BACH1: variants seen among roughly 807,000 people sequenced by gnomAD.
The protein encoded by BACH1 is transcription regulator protein BACH1.
Under a neutral mutation model 52.9 loss-of-function variants are expected in BACH1, and 35 were observed. The ratio of observed to expected loss-of-function variants is 0.66; its 90% CI spans 0.51 to 0.88. The LOEUF (loss-of-function observed/expected upper bound fraction) is 0.88. Ranked by LOEUF, BACH1 falls within the 40% of genes least tolerant of loss-of-function variation. BACH1 has a pLI of 0.00. For missense variants in BACH1, 808 were observed against 872.6 expected (o/e 0.93, Z 0.93); for synonymous variants, 321 against 319.6 (o/e 1.00, Z -0.05).
intron 4 of BACH1, among the ~76,000 whole-genome samples, chr21:29,334,624 A>T (rs2089023236): frequency 6.6e-6 from 1 of 152,208 alleles, no homozygotes; most frequent in Admixed American, 6.5e-5. Context: ...ATTTACCAAA[A>T]TGTATTTCTT....
At chr21:29,311,443 T>C (rs2088720603) in intron 1 of BACH1, among the ~76,000 whole-genome samples, 1 of 152,150 alleles carries the variant, frequency 6.6e-6, no homozygotes, top group Non-Finnish European at 1.5e-5. Context: ...TTTTTTTAAG[T>C]ACAGAGAACA....
intron 2 of BACH1, among the ~76,000 whole-genome samples, chr21:29,358,765 AAAAGAAAAGAAAGAAAG>A (rs1249008706): frequency 2.4e-3 from 194 of 81,510 alleles, no homozygotes; most frequent in African/African-American, 7.4e-3. Context: ...AAAAGAAAAG[AAAAGAAAAGAAAGAAAG>A]AAAGAAAGAA....
intron 2 of BACH1, among the ~76,000 whole-genome samples, chr21:29,355,213 C>T (rs1280495132): frequency 3.9e-5 from 6 of 152,068 alleles, no homozygotes; most frequent in African/African-American, 1.2e-4. Context: ...CTGATTGGTG[C>T]GTTTACAAAC....
intron 1 of BACH1, chr21:29,305,251 C>T (rs1394249571): frequency 6.6e-6 from 1 of 150,710 alleles, no homozygotes; most frequent in Non-Finnish European, 1.5e-5. Flanking sequence ...CACTCGGATT[C>T]TTTGCTGGCA....
rs1044331216 is a variant in BACH1, at chr21:29,329,512, G to A, written c.1595G>A (p.Arg532Gln). The A allele has an allele frequency of 8.8e-6, 14 of 1,587,136 alleles. No homozygotes were observed. The highest frequency in any genetic ancestry group is 3.7e-5 in the Admixed American group (2 of 53,952). The change falls in exon 4 of 5, where the codon CGG (arginine) becomes CAG (glutamine). Residue 532 changes from arginine (R) to glutamine (Q), a missense_variant. Physicochemically the swap from Arg to Gln is conservative, Grantham distance 43. Coordinates refer to ENST00000286800, the MANE Select transcript of BACH1 (RefSeq NM_001186.4). The part of the protein sequence containing the change: ...CEVKLPFNAQ[R>Q]IISLSRNDFQ... ...GTAAAACTGCCATTCAATGCACAAC[G>A]GATAATTTCACTGTCTCGAAATGAT...
chr21:29,345,230 C>T lies in BACH1; in HGVS notation c.*2397C>T, dbSNP rs1734739724. 6.6e-6 allele frequency: 1 copy of T among 152,612 alleles called. No individual in the cohort carries two copies. Among genetic ancestry groups the T allele is most frequent in the African/African-American group, 2.4e-5 (1 of 41,448 alleles). 9.5% of individuals were successfully genotyped at this position (152,612 alleles called of 1,614,324 possible). On this transcript the variant is annotated 3_prime_UTR_variant, in exon 5 of 5. Coordinates refer to ENST00000286800, the MANE Select transcript of BACH1 (RefSeq NM_001186.4). ...TTTCTGTATATTGCATAGCATTACA[C>T]ATTTATGCCTATTTTAACATTAACT...
rs181087924 is a variant in BACH1, at chr21:29,341,991, G to A, written c.1777-408G>A. On this transcript the variant is annotated intron_variant, in intron 4 of 4. Coordinates refer to ENST00000286800, the MANE Select transcript of BACH1 (RefSeq NM_001186.4). ...GTAAATCCAGAAAGCTCCAAAAACCGTATGTTTGTCACAAACTCTTTTGAC... is the reference window on the plus strand; with the variant it reads ...GTAAATCCAGAAAGCTCCAAAAACCATATGTTTGTCACAAACTCTTTTGAC... Among the ~76,000 whole-genome samples the A allele has an allele frequency of 2.7e-3, 404 of 152,210 alleles. 2 individuals are homozygous for A. Among genetic ancestry groups the A allele is most frequent in the African/African-American group, 8.2e-3 (342 of 41,528 alleles).
At chr21:29,356,198 G>A (rs1019289616) in intron 2 of BACH1, among the ~76,000 whole-genome samples, 1 of 152,154 alleles carries the variant, frequency 6.6e-6, no homozygotes, top group Non-Finnish European at 1.5e-5. Context: ...CTGCACTGAC[G>A]GACTTGAGCT....
intron 2 of BACH1, chr21:29,359,225 C>G (rs974039187): frequency 6.6e-6 from 1 of 151,852 alleles, no homozygotes; most frequent in African/African-American, 2.4e-5. Context: ...ACACTGTACT[C>G]GGCTCTTTTT....
chr21:29,357,644 G>A (rs1029546218), intron 2 of BACH1, among the ~76,000 whole-genome samples: 1 of 152,220 alleles, frequency 6.6e-6, no homozygotes, highest in Non-Finnish European at 1.5e-5. Flanking sequence ...CCCTTAAAGA[G>A]TGAGGCCAGC....
At chr21:29,337,940 C>CA (rs977633471) in intron 4 of BACH1, among the ~76,000 whole-genome samples, 1 of 151,664 alleles carries the variant, frequency 6.6e-6, no homozygotes, top group African/African-American at 2.4e-5. Flanking sequence ...AAAACAAAAA[C>CA]AAAAACAAAA....
chr21:29,327,459 G>T, intron 3 of BACH1, 66 bp downstream of exon 3: 1 of 1,536,386 alleles, frequency 6.5e-7, no homozygotes, highest in Non-Finnish European at 8.7e-7. Flanking sequence ...CTGTGGATCA[G>T]CTCCCTTTGC....
At chr21:29,300,236 A>G (rs1237087980) in intron 1 of BACH1, 2 of 152,104 alleles carry the variant, frequency 1.3e-5, no homozygotes, top group African/African-American at 2.4e-5. Context: ...TGTTTAACCT[A>G]TGTTTCTGTC....
intron 4 of BACH1, among the ~76,000 whole-genome samples, chr21:29,340,373 AGTT>A (rs1217197945): frequency 6.6e-6 from 1 of 152,166 alleles, no homozygotes; most frequent in Non-Finnish European, 1.5e-5. Flanking sequence ...TATTTGTTTT[AGTT>A]GTTGTGAAGA....
At chr21:29,331,617 C>T (rs1295014252) in intron 4 of BACH1, among the ~76,000 whole-genome samples, 1 of 152,118 alleles carries the variant, frequency 6.6e-6, no homozygotes, top group Non-Finnish European at 1.5e-5. Context: ...CTCTGCCTTT[C>T]CTTCTTAGAG....
intron 1 of BACH1, among the ~76,000 whole-genome samples, chr21:29,312,519 C>T (rs2123419406): frequency 6.6e-6 from 1 of 152,162 alleles, no homozygotes; most frequent in Non-Finnish European, 1.5e-5. Flanking sequence ...ATAGAAAATC[C>T]TATGGAATCC....
chr21:29,305,110 C>T (rs186614033), intron 1 of BACH1: 17 of 151,396 alleles, frequency 1.1e-4, no homozygotes, highest in Non-Finnish European at 1.8e-4. Flanking sequence ...GGGTACTCCC[C>T]TAGGTAAGAG....
Position 29,342,941 on chromosome 21 carries a change from T to C in BACH1, c.*108T>C. On this transcript the variant is annotated 3_prime_UTR_variant, in exon 5 of 5. Transcript: ENST00000286800. ...GCTCAACAATACTGTTTTTTTCCTT[T>C]AGTAGTTTACCATAAGGGAATTTCC... 2.6e-6 allele frequency: 3 copies of C among 1,133,324 alleles called. No individual in the cohort carries two copies. The highest frequency in any genetic ancestry group is 1.9e-5 in the South Asian group (1 of 53,358). 70.2% of individuals were successfully genotyped at this position (1,133,324 alleles called of 1,614,324 possible).
intron 1 of BACH1, among the ~76,000 whole-genome samples, chr21:29,307,716 T>C (rs949385547): frequency 5.9e-5 from 9 of 152,098 alleles, no homozygotes; most frequent in African/African-American, 2.2e-4. Flanking sequence ...TCCACTGGGG[T>C]TCTTGGAATG....
Sources: gnomAD v4.1 joint callset for allele counts (sites outside exome capture counted in the v4.1 genomes callset) on GRCh38, gnomAD v4.1.1 for gene constraint, MANE v1.5 for transcripts, NCBI Gene and HGNC (gene_info 2026-07-23, HGNC 2026-07-21) for gene names.